Variants in RANBP2 observed in about 807,000 individuals in gnomAD.
RANBP2 encodes the protein E3 SUMO-protein ligase RanBP2.
A neutral mutation model predicts 303.6 loss-of-function variants in RANBP2; 57 were observed. The ratio of observed to expected loss-of-function variants is 0.19; its 90% CI spans 0.15 to 0.23. RANBP2 has a LOEUF of 0.23. Among genes scored for constraint, RANBP2 ranks in the 10% least tolerant of loss-of-function variants. The pLI is 1.00. For missense variants in RANBP2, 3,138 were observed against 3,780.8 expected, an observed-to-expected ratio of 0.83 and a Z score of 4.46; for synonymous variants, 1,167 against 1,301.5, an observed-to-expected ratio of 0.90 and a Z score of 2.23.
the RANBP2 span, among the ~76,000 whole-genome samples, chr2:108,927,667 G>A: frequency 6.6e-6 from 1 of 152,130 alleles, no homozygotes; most frequent in East Asian, 1.9e-4. Context: ...GCGGCCCCCA[G>A]CACCCTGAGT....
the RANBP2 span, among the ~76,000 whole-genome samples, chr2:109,392,609 G>C: frequency 4.3e-4 from 66 of 152,174 alleles, no homozygotes; most frequent in African/African-American, 1.4e-3. Flanking sequence ...CCGCCTCGTG[G>C]GTTCACGCCA....
chr2:109,518,915 C>CTTTTTTTTTTTTTTT, the RANBP2 span, among the ~76,000 whole-genome samples: 33 of 110,988 alleles, frequency 3.0e-4, 3 homozygotes, highest in African/African-American at 1.3e-3. Context: ...TGCTACATAT[C>CTTTTTTTTTTTTTTT]TTTTTTTTTT....
the RANBP2 span, among the ~76,000 whole-genome samples, chr2:109,521,327 G>A: frequency 6.6e-6 from 1 of 152,352 alleles, no homozygotes; most frequent in Non-Finnish European, 1.5e-5. Context: ...GCTGGCAGCA[G>A]TGTCCCAGGC....
the RANBP2 span, among the ~76,000 whole-genome samples, chr2:109,162,354 G>A: frequency 6.6e-6 from 1 of 152,118 alleles, no homozygotes; most frequent in Non-Finnish European, 1.5e-5. Context: ...AGAGAGCCGG[G>A]CCTCTCTCAT....
At chr2:109,116,801 G>A in the RANBP2 span, among the ~76,000 whole-genome samples, 3 of 152,168 alleles carry the variant, frequency 2.0e-5, no homozygotes, top group Non-Finnish European at 4.4e-5. Context: ...ATGTACAGAT[G>A]GGTTTTTGGT....
chr2:109,671,422 T>C, the RANBP2 span, among the ~76,000 whole-genome samples: 13 of 151,900 alleles, frequency 8.6e-5, no homozygotes, highest in Non-Finnish European at 1.9e-4. Context: ...GCAGCAAGTC[T>C]GGGGGCTGGG....
chr2:109,083,181 A>T, the RANBP2 span, among the ~76,000 whole-genome samples: 1 of 152,166 alleles, frequency 6.6e-6, no homozygotes, highest in Non-Finnish European at 1.5e-5. Flanking sequence ...CATACAGGTC[A>T]GTGGCATTAA....
the RANBP2 span, among the ~76,000 whole-genome samples, chr2:109,493,508 C>T: frequency 2.0e-5 from 3 of 151,570 alleles, no homozygotes; most frequent in Non-Finnish European, 4.4e-5. Flanking sequence ...CAAACACATA[C>T]CTCACACACA....
At chr2:109,359,047 A>T in the RANBP2 span, among the ~76,000 whole-genome samples, 1 of 151,978 alleles carries the variant, frequency 6.6e-6, no homozygotes, top group Non-Finnish European at 1.5e-5. Context: ...TCTTTTCTCC[A>T]TTGTATTGTC....
At chr2:109,588,244 C>G in the RANBP2 span, among the ~76,000 whole-genome samples, 1 of 151,968 alleles carries the variant, frequency 6.6e-6, no homozygotes, top group Non-Finnish European at 1.5e-5. Flanking sequence ...AAAAAATGAT[C>G]AAAGTTCTTC....
At chr2:109,276,228 C>T in the RANBP2 span, among the ~76,000 whole-genome samples, 6 of 152,196 alleles carry the variant, frequency 3.9e-5, no homozygotes, top group African/African-American at 1.2e-4. Flanking sequence ...TGAGTCTGAA[C>T]GTCCCTGGAG....
chr2:108,942,290 C>G, the RANBP2 span, among the ~76,000 whole-genome samples: 1 of 152,176 alleles, frequency 6.6e-6, no homozygotes, highest in South Asian at 2.1e-4. Context: ...GGTGGGAGAG[C>G]CGAGGCACAA....
chr2:109,608,877 A>T, the RANBP2 span, among the ~76,000 whole-genome samples: 2 of 152,258 alleles, frequency 1.3e-5, no homozygotes, highest in African/African-American at 4.8e-5. Context: ...AGCTTTGCGC[A>T]TCAGGCATTT....
At chr2:109,158,738 T>C in the RANBP2 span, among the ~76,000 whole-genome samples, 1 of 152,234 alleles carries the variant, frequency 6.6e-6, no homozygotes, top group Non-Finnish European at 1.5e-5. Flanking sequence ...TTTTAACACA[T>C]ATTCTGGAAG....
chr2:108,943,229 G>A, the RANBP2 span, among the ~76,000 whole-genome samples: 1 of 152,166 alleles, frequency 6.6e-6, no homozygotes, highest in Non-Finnish European at 1.5e-5. Context: ...CTTGAGAAGG[G>A]CAAGCTCAGC....
chr2:109,187,296 A>G, the RANBP2 span, among the ~76,000 whole-genome samples: 1 of 152,196 alleles, frequency 6.6e-6, no homozygotes, highest in African/African-American at 2.4e-5. Context: ...TGACCTGTTT[A>G]GTCTTTTCTG....
At chr2:109,477,816 G>A in the RANBP2 span, among the ~76,000 whole-genome samples, 28 of 152,158 alleles carry the variant, frequency 1.8e-4, no homozygotes, top group Admixed American at 1.5e-3. Context: ...CTCACGACCC[G>A]ATCATCTCCC....
chr2:109,718,985 G>A, the RANBP2 span, among the ~76,000 whole-genome samples: 6 of 130,614 alleles, frequency 4.6e-5, no homozygotes, highest in Non-Finnish European at 9.5e-5. Flanking sequence ...ATTCCAGCCT[G>A]GCAACAGAGT....
At chr2:109,647,904 C>A in the RANBP2 span, among the ~76,000 whole-genome samples, 1 of 152,232 alleles carries the variant, frequency 6.6e-6, no homozygotes, top group Non-Finnish European at 1.5e-5. Context: ...CACAAATGCC[C>A]GTTAGCTGCC....
Sources: allele counts gnomAD v4.1 joint callset (sites outside exome capture counted in the v4.1 genomes callset), GRCh38; gene constraint gnomAD v4.1.1; transcripts MANE v1.5; gene names NCBI Gene and HGNC (gene_info 2026-07-23, HGNC 2026-07-21).